The following NEGR1 variants were observed in gnomAD, a reference collection of about 807,000 sequenced individuals.
The protein encoded by NEGR1 is neuronal growth regulator 1.
NEGR1 carries 10 observed loss-of-function variants against 40.9 expected under a neutral mutation model. The observed-to-expected ratio is 0.24, with a 90% CI of 0.15 to 0.42. NEGR1 has a LOEUF of 0.42. NEGR1 is among the 10% of genes least tolerant of loss of function. The pLI is 1.00. For synonymous variants in NEGR1, 185 were observed against 166.8 expected (o/e 1.11, Z -0.84); for missense variants, 352 against 438.9 (o/e 0.80, Z 1.77).
chr1:72,068,613 T>C (rs575927495), intron 1 of NEGR1, among the ~76,000 whole-genome samples: 4 of 152,316 alleles, frequency 2.6e-5, no homozygotes, highest in African/African-American at 9.6e-5. Flanking sequence ...AATTTTAGCA[T>C]GTGTGCTTCT....
At chr1:71,710,779 A>T (rs1654052497) in intron 3 of NEGR1, among the ~76,000 whole-genome samples, 1 of 150,146 alleles carries the variant, frequency 6.7e-6, no homozygotes, top group Non-Finnish European at 1.5e-5. Context: ...GTTAATGGGT[A>T]CTAAAAATTT....
chr1:72,244,381 C>T (rs1294013805), intron 1 of NEGR1, among the ~76,000 whole-genome samples: 1 of 151,790 alleles, frequency 6.6e-6, no homozygotes, highest in Non-Finnish European at 1.5e-5. Context: ...TTCTACCCAA[C>T]AATATTAACT....
chr1:71,993,802 G>A (rs1423236576), intron 1 of NEGR1, among the ~76,000 whole-genome samples: 1 of 152,088 alleles, frequency 6.6e-6, no homozygotes, highest in Non-Finnish European at 1.5e-5. Flanking sequence ...GTTATCAAGT[G>A]GTAGATCTGA....
chr1:72,235,897 A>T (rs1654529392), intron 1 of NEGR1, among the ~76,000 whole-genome samples: 1 of 152,078 alleles, frequency 6.6e-6, no homozygotes, highest in South Asian at 2.1e-4. Context: ...AAATGTATTT[A>T]TGAAAGTGAA....
intron 1 of NEGR1, among the ~76,000 whole-genome samples, chr1:72,022,745 A>T (rs1324266923): frequency 6.6e-6 from 1 of 152,100 alleles, no homozygotes; most frequent in Non-Finnish European, 1.5e-5. Flanking sequence ...TAAATTAGAG[A>T]TCTATAGACT....
At chr1:71,449,290 A>T (rs1646606999) in intron 6 of NEGR1, among the ~76,000 whole-genome samples, 1 of 152,220 alleles carries the variant, frequency 6.6e-6, no homozygotes, top group Non-Finnish European at 1.5e-5. Context: ...ACTTGATTTG[A>T]CACTGTTTAC....
At chr1:71,976,400 T>C (rs566256862) in intron 1 of NEGR1, among the ~76,000 whole-genome samples, 45 of 152,356 alleles carry the variant, frequency 3.0e-4, no homozygotes, top group Middle Eastern at 6.8e-3. Context: ...ATTTCAGTGC[T>C]ATTGTTTTAT....
intron 2 of NEGR1, among the ~76,000 whole-genome samples, chr1:71,862,325 A>T (rs756995686): frequency 6.6e-6 from 1 of 152,040 alleles, no homozygotes; most frequent in Non-Finnish European, 1.5e-5. Flanking sequence ...TTTTCTTACA[A>T]AGCTGTTCTC....
At chr1:71,968,220 G>C (rs1414277852) in intron 1 of NEGR1, among the ~76,000 whole-genome samples, 1 of 152,102 alleles carries the variant, frequency 6.6e-6, no homozygotes, top group African/African-American at 2.4e-5. Flanking sequence ...GACACTGAAA[G>C]GATCCACTCA....
chr1:71,603,305 T>C (rs1389134748), intron 5 of NEGR1, among the ~76,000 whole-genome samples: 2 of 152,192 alleles, frequency 1.3e-5, no homozygotes, highest in African/African-American at 4.8e-5. Context: ...CTGCCTACAT[T>C]GGTAAGAACC....
chr1:71,492,697 T>C (rs1295054218), intron 6 of NEGR1, among the ~76,000 whole-genome samples: 1 of 152,106 alleles, frequency 6.6e-6, no homozygotes, highest in Non-Finnish European at 1.5e-5. Context: ...ACAAAGCTGG[T>C]TAGGTTAAAT....
chr1:71,517,660 C>T (rs1402346330), intron 6 of NEGR1, among the ~76,000 whole-genome samples: 2 of 140,578 alleles, frequency 1.4e-5, no homozygotes, highest in African/African-American at 5.6e-5. Context: ...CCTTTGAAAA[C>T]TGGCACAAGA....
chr1:71,902,301 G>T (rs753879336), intron 2 of NEGR1, among the ~76,000 whole-genome samples: 2 of 152,132 alleles, frequency 1.3e-5, no homozygotes, highest in African/African-American at 4.8e-5. Context: ...ACATGTATTC[G>T]TTAAAGCTTG....
intron 1 of NEGR1, among the ~76,000 whole-genome samples, chr1:72,057,308 T>C (rs1258634747): frequency 6.6e-6 from 1 of 150,382 alleles, no homozygotes; most frequent in East Asian, 2.0e-4. Context: ...CCAAACTTAA[T>C]TTTTTTTTGC....
chr1:71,588,152 G>A (rs762580930), intron 6 of NEGR1, among the ~76,000 whole-genome samples: 31 of 152,224 alleles, frequency 2.0e-4, no homozygotes, highest in Admixed American at 3.3e-4. Flanking sequence ...TGAACCCATA[G>A]ATGGCAGGAT....
intron 1 of NEGR1, among the ~76,000 whole-genome samples, chr1:72,278,181 G>T (rs1345151749): frequency 1.3e-5 from 2 of 152,014 alleles, no homozygotes; most frequent in Non-Finnish European, 1.5e-5. Flanking sequence ...CAAATCTATT[G>T]CATTAAAATG....
chr1:72,027,666 AT>A lies in NEGR1; in HGVS notation c.177-92356del, dbSNP rs1383233611. Reference sequence around the variant, plus strand: ...TAAATTTGTTTTTAATGTTAAAGCTATATAAATAATCATTAGTCTGGCTTCA... The same window carrying A: ...TAAATTTGTTTTTAATGTTAAAGCTAATAAATAATCATTAGTCTGGCTTCA... On this transcript the variant is annotated intron_variant, in intron 1 of 6. Transcript: ENST00000357731. Among the ~76,000 whole-genome samples the A allele has an allele frequency of 2.0e-4, 31 of 152,360 alleles. 1 individual carries two copies. Among genetic ancestry groups the A allele is most frequent in the Admixed American group, 1.9e-3 (29 of 15,308 alleles).
At chr1:71,944,160 T>C (rs1570537762) in intron 1 of NEGR1, among the ~76,000 whole-genome samples, 1 of 152,242 alleles carries the variant, frequency 6.6e-6, no homozygotes, top group East Asian at 1.9e-4. Context: ...GCAGGTGCTC[T>C]GAACCGCTGT....
chr1:71,999,488 T>C (rs553852968), intron 1 of NEGR1, among the ~76,000 whole-genome samples: 1 of 151,180 alleles, frequency 6.6e-6, no homozygotes, highest in East Asian at 1.9e-4. Flanking sequence ...GATGGATCTA[T>C]GCATCAGAAC....
Sources: allele counts gnomAD v4.1 joint callset (sites outside exome capture counted in the v4.1 genomes callset), GRCh38; gene constraint gnomAD v4.1.1; transcripts MANE v1.5; gene names NCBI Gene and HGNC (gene_info 2026-07-23, HGNC 2026-07-21).